Variants in IL17REL observed in about 807,000 individuals in gnomAD.
IL17REL encodes interleukin-17 receptor E-like protein.
A neutral mutation model predicts 49.0 loss-of-function variants in IL17REL; 36 were observed. That is an observed-to-expected ratio of 0.73 (90% CI 0.56 to 0.97). IL17REL has a LOEUF of 0.97. IL17REL is among the 50% of genes least tolerant of loss of function. IL17REL has a pLI of 0.00. For synonymous variants in IL17REL, 206 were observed against 192.4 expected (o/e 1.07, Z -0.58); for missense variants, 470 against 453.9 (o/e 1.04, Z -0.32).
chr22:49,992,039 A>G (rs576669561), downstream of IL17REL, among the ~76,000 whole-genome samples: 1 of 152,222 alleles, frequency 6.6e-6, no homozygotes. Context: ...ATAAGAGACA[A>G]ACAGTTGCAT....
chr22:50,010,183 C>G (rs553052606), upstream of IL17REL, among the ~76,000 whole-genome samples: 3 of 152,254 alleles, frequency 2.0e-5, no homozygotes, highest in Admixed American at 6.5e-5. Context: ...AAACCCGCCG[C>G]CCGTGGGCGG....
exon 13 of IL17REL, chr22:49,996,657 G>A (rs4838818): frequency 0.12 from 27,388 of 222,824 alleles, 1,885 homozygotes; most frequent in Admixed American, 0.15. Flanking sequence ...TGGGTTTGGC[G>A]CAGAAGCCTG....
chr22:49,992,326 C>T (rs2061010534), downstream of IL17REL, among the ~76,000 whole-genome samples: 1 of 152,264 alleles, frequency 6.6e-6, no homozygotes, highest in African/African-American at 2.4e-5. Context: ...TTCCGTGAGG[C>T]AGTCAGGGAC....
exon 3 of IL17REL, chr22:50,000,754 C>T (rs1305638312): frequency 8.8e-6 from 14 of 1,586,380 alleles, no homozygotes; most frequent in Non-Finnish European, 1.2e-5. Flanking sequence ...TTGGCCTCAC[C>T]TGCTGCCCCC....
intron 7 of IL17REL, among the ~76,000 whole-genome samples, chr22:49,998,901 G>A (rs1569208788): frequency 6.6e-6 from 1 of 151,996 alleles, no homozygotes; most frequent in Non-Finnish European, 1.5e-5. Flanking sequence ...GTGTGCATGT[G>A]TATGGGCGTG....
chr22:49,999,313 G>A (rs1257722197), exon 7 of IL17REL: 4 of 1,613,026 alleles, frequency 2.5e-6, no homozygotes, highest in Non-Finnish European at 3.4e-6. Flanking sequence ...GGCAGATCTG[G>A]ATCCGCACCG....
chr22:50,005,639 T>C (rs1466492991), intron 1 of IL17REL, among the ~76,000 whole-genome samples: 1 of 151,900 alleles, frequency 6.6e-6, no homozygotes, highest in Non-Finnish European at 1.5e-5. Context: ...CCGTCTCTGC[T>C]AAAAATACAA....
intron 2 of IL17REL, 109 bp downstream of exon 3, chr22:50,000,973 C>A: frequency 8.0e-7 from 1 of 1,248,196 alleles, no homozygotes. Context: ...GTGCGGTTAG[C>A]AGCCCCCCTC....
chr22:49,997,537 C>A, intron 10 of IL17REL, 54 bp from the exon 13 acceptor site: 2 of 1,338,808 alleles, frequency 1.5e-6, no homozygotes, highest in Non-Finnish European at 2.1e-6. Flanking sequence ...CACCGCCTCC[C>A]TTCCTTCCCC....
chr22:49,996,730 C>T, exon 13 of IL17REL: 1 of 412,960 alleles, frequency 2.4e-6, no homozygotes, highest in Non-Finnish European at 4.3e-6. Context: ...CAGTGCACGC[C>T]ACGCCCAGCC....
At chr22:50,002,526 G>A (rs1373139190) in intron 1 of IL17REL, among the ~76,000 whole-genome samples, 8 of 127,580 alleles carry the variant, frequency 6.3e-5, no homozygotes, top group South Asian at 2.6e-4. Flanking sequence ...AGACAGTCCC[G>A]CTCTGACGCC....
In IL17REL at chr22:49,998,212, C is replaced by G. The variant is rs377084513; in HGVS notation, c.699G>C (p.Val233=). ...CCGGCCCCGGGCGCCAGCACAGGCT[C>G]ACATGGCCACTCACAGGGCAGGCGG... The change falls in exon 8 of 13, where the codon GTG becomes GTC. Residue 233 remains valine, a synonymous_variant. Transcript: ENST00000341280. 2.5e-6 allele frequency: 4 copies of G among 1,612,340 alleles called. No homozygotes were observed. In the African/African-American group the frequency reaches 5.3e-5, roughly 22 times the overall value.
chr22:49,993,540 A>G (rs1414510122), downstream of IL17REL, among the ~76,000 whole-genome samples: 4 of 152,138 alleles, frequency 2.6e-5, no homozygotes, highest in Non-Finnish European at 4.4e-5. The surrounding 1 kb of genome is among the most constrained non-coding windows in gnomAD (Gnocchi z 6.0). Flanking sequence ...ACTAAGAGCC[A>G]CTGCCGCCTG....
chr22:50,011,543 C>G (rs557410668), upstream of IL17REL, among the ~76,000 whole-genome samples: 3 of 152,170 alleles, frequency 2.0e-5, no homozygotes, highest in South Asian at 2.1e-4. Context: ...TCTCATCTCT[C>G]GCTTCTCCTT....
chr22:49,996,963 G>T lies in IL17REL; in HGVS notation c.*44+31C>A, dbSNP rs1023863359. ...CTGAGGTCCTGCAGTGGAGGAGATG[G>T]CTAGGGGCTGGGCACAGCAGCGACA... On this transcript the variant is annotated intron_variant, in intron 12 of 12. Coordinates refer to ENST00000341280, the Ensembl canonical transcript of IL17REL. The T allele has an allele frequency of 4.2e-6, 5 of 1,190,502 alleles. No homozygotes were observed. The African/African-American group carries it at 6.2e-5, about 15-fold the overall frequency. The allele number at this position is 1,190,502 out of a possible 1,614,324, so 73.7% of individuals were successfully genotyped here. A position where few individuals can be genotyped will look rare whatever the true frequency, so the allele number is the denominator to read the frequency against.
At chr22:50,010,018 A>G (rs1326680839), upstream of IL17REL, among the ~76,000 whole-genome samples, 1 of 16,446 alleles carries the variant, frequency 6.1e-5, no homozygotes, top group East Asian at 1.6e-3. Context: ...CTACTAGTGA[A>G]CTGTTTTCTG....
At chr22:50,004,260 G>A (rs1376314669) in intron 1 of IL17REL, among the ~76,000 whole-genome samples, 1 of 152,158 alleles carries the variant, frequency 6.6e-6, no homozygotes, top group Non-Finnish European at 1.5e-5. Flanking sequence ...TTAATTTGTG[G>A]TGGAGACAGG....
chr22:50,012,394 CCTT>C (rs1440760779), upstream of IL17REL, among the ~76,000 whole-genome samples: 4 of 152,208 alleles, frequency 2.6e-5, no homozygotes, highest in Non-Finnish European at 4.4e-5. Context: ...GGTCTCCCAT[CCTT>C]CTTTCACCAG....
intron 4 of IL17REL, 56 bp from the exon 7 acceptor site, chr22:50,000,023 C>A: frequency 7.1e-7 from 1 of 1,417,086 alleles, no homozygotes. Flanking sequence ...CGACGCGGGG[C>A]TCTGTCTGTC....
Sources: gnomAD v4.1 joint callset for allele counts (sites outside exome capture counted in the v4.1 genomes callset) on GRCh38, gnomAD v4.1.1 for gene constraint, Gnocchi (gnomAD v3.1) non-coding constraint, MANE v1.5 for transcripts, NCBI Gene and HGNC (gene_info 2026-07-23, HGNC 2026-07-21) for gene names.